STIM1: variants seen among roughly 807,000 people sequenced by gnomAD.
STIM1 encodes the protein stromal interaction molecule 1.
Under a neutral mutation model 74.7 loss-of-function variants are expected in STIM1, and 25 were observed. That is an observed-to-expected ratio of 0.33 (90% confidence interval 0.24 to 0.47). The LOEUF (loss-of-function observed/expected upper bound fraction) is 0.47. Ranked by LOEUF, STIM1 falls within the 20% of genes least tolerant of loss-of-function variation. The pLI, the probability that STIM1 is intolerant of heterozygous loss-of-function variation, is 1.00. For missense variants in STIM1, 728 were observed against 920.8 expected, an observed-to-expected ratio of 0.79 and a Z score of 2.71; for synonymous variants, 328 against 348.8, an observed-to-expected ratio of 0.94 and a Z score of 0.66.
chr11:4,078,930 T>C (rs1238949947), intron 7 of STIM1, among the ~76,000 whole-genome samples: 4 of 152,040 alleles, frequency 2.6e-5, no homozygotes, highest in African/African-American at 9.7e-5. Flanking sequence ...TAGGGGGTAA[T>C]ACTGTTGATA....
chr11:3,874,244 T>C (rs1368461435), intron 1 of STIM1, among the ~76,000 whole-genome samples: 1 of 152,184 alleles, frequency 6.6e-6, no homozygotes, highest in Non-Finnish European at 1.5e-5. Flanking sequence ...TCTGTTCTAG[T>C]AGCCCTCAAA....
intron 7 of STIM1, among the ~76,000 whole-genome samples, 185 bp from the exon 8 acceptor site, chr11:4,081,999 G>A (rs892273262): frequency 1.3e-5 from 2 of 152,226 alleles, no homozygotes; most frequent in Non-Finnish European, 2.9e-5. Flanking sequence ...TGTTGACCTT[G>A]AGTAGGTTAA....
chr11:3,933,456 TG>T (rs2092895089), intron 1 of STIM1, among the ~76,000 whole-genome samples: 1 of 152,218 alleles, frequency 6.6e-6, no homozygotes, highest in Non-Finnish European at 1.5e-5. Context: ...AGTAGTGGTT[TG>T]GGGTTAGAGT....
At chr11:3,979,188 A>C (rs2093478030) in intron 2 of STIM1, among the ~76,000 whole-genome samples, 1 of 152,174 alleles carries the variant, frequency 6.6e-6, no homozygotes, top group African/African-American at 2.4e-5. Context: ...TATTACCATA[A>C]TTAATAATAA....
At chr11:3,980,468 C>T (rs2093491355) in intron 2 of STIM1, among the ~76,000 whole-genome samples, 1 of 152,074 alleles carries the variant, frequency 6.6e-6, no homozygotes, top group African/African-American at 2.4e-5. Context: ...TGGCATTTCT[C>T]TGCTTCCCAC....
At chr11:4,085,192 T>A (rs2094486424) in intron 11 of STIM1, among the ~76,000 whole-genome samples, 2 of 151,212 alleles carry the variant, frequency 1.3e-5, no homozygotes, top group Non-Finnish European at 2.9e-5. Context: ...TTTCGTACCT[T>A]GAAAGCTACC....
intron 1 of STIM1, among the ~76,000 whole-genome samples, chr11:3,898,656 G>A (rs1160600930): frequency 7.2e-5 from 11 of 151,946 alleles, no homozygotes; most frequent in East Asian, 5.8e-4. Context: ...TAGGTCTAAC[G>A]TTTAAGTCTT....
chr11:3,858,724 T>G (rs2090485266), intron 1 of STIM1, among the ~76,000 whole-genome samples: 1 of 152,248 alleles, frequency 6.6e-6, no homozygotes, highest in Non-Finnish European at 1.5e-5. Context: ...TTAAAACTAC[T>G]ACTTTTAAAA....
intron 7 of STIM1, among the ~76,000 whole-genome samples, chr11:4,078,302 T>A (rs2094447631): frequency 6.6e-6 from 1 of 152,230 alleles, no homozygotes; most frequent in Non-Finnish European, 1.5e-5. Flanking sequence ...GACTTTTAAA[T>A]GGAAAGCTGT....
intron 1 of STIM1, among the ~76,000 whole-genome samples, chr11:3,895,598 T>G (rs1438117368): frequency 2.3e-5 from 2 of 87,018 alleles, no homozygotes; most frequent in Non-Finnish European, 4.4e-5. Context: ...ATAGTGTTCT[T>G]TCTTTCTCTC....
intron 6 of STIM1, among the ~76,000 whole-genome samples, chr11:4,070,700 T>C (rs959662912): frequency 6.6e-6 from 1 of 152,220 alleles, no homozygotes; most frequent in Admixed American, 6.5e-5. Flanking sequence ...TATTTCCTCA[T>C]TGGTAATATG....
At chr11:3,957,765 T>C (rs1446308945) in intron 1 of STIM1, among the ~76,000 whole-genome samples, 5 of 152,102 alleles carry the variant, frequency 3.3e-5, no homozygotes. Flanking sequence ...GAGATCTCAC[T>C]GTGTGGACCA....
intron 1 of STIM1, among the ~76,000 whole-genome samples, chr11:3,865,791 G>T (rs895113967): frequency 6.6e-6 from 1 of 152,134 alleles, no homozygotes. Flanking sequence ...AACTTTGTGG[G>T]GTTACTCGTG....
intron 3 of STIM1, among the ~76,000 whole-genome samples, chr11:4,046,647 T>A (rs1245189745): frequency 1.3e-5 from 2 of 152,054 alleles, no homozygotes; most frequent in Non-Finnish European, 2.9e-5. Context: ...TGATTTTGTT[T>A]GTTTTGTTTT....
intron 3 of STIM1, among the ~76,000 whole-genome samples, chr11:4,043,969 T>G (rs2094170119): frequency 6.6e-6 from 1 of 151,900 alleles, no homozygotes; most frequent in African/African-American, 2.4e-5. Context: ...GAGCTGAGAT[T>G]GTACCATTGC....
chr11:4,002,501 G>A (rs1346744580), intron 2 of STIM1, among the ~76,000 whole-genome samples: 126 of 150,584 alleles, frequency 8.4e-4, no homozygotes, highest in South Asian at 3.8e-3. Context: ...GGTACATAAC[G>A]AAATGAAGGC....
rs771442242 is a variant in STIM1 at position 4,091,335 on chromosome 11, G to A, written c.1688G>A (p.Arg563His). ...TCCCTCCACATGAGTGACCGCCAGCGTGTGGCCCCCAAACCTCCTCAGATG... is the reference window on the plus strand; with the variant it reads ...TCCCTCCACATGAGTGACCGCCAGCATGTGGCCCCCAAACCTCCTCAGATG... ...ESSLHMSDRQ[R>H]VAPKPPQMSR... The change falls in exon 13 of 13, where the codon CGT becomes CAT. Residue 563 changes from arginine (R) to histidine (H), a missense_variant. By Grantham distance (29) the Arg-to-His change is conservative. Around this residue, in one of 5 missense-constraint regions of STIM1, gnomAD observed 352 missense variants for 370.1 expected, o/e 0.95. Transcript: ENST00000526596. 8.7e-6 allele frequency: 14 copies of A among 1,613,934 alleles called. No individual in the cohort carries two copies. The highest frequency in any genetic ancestry group is 4.5e-5 in the East Asian group (2 of 44,892).
intron 3 of STIM1, among the ~76,000 whole-genome samples, chr11:4,033,357 A>T (rs547678087): frequency 6.6e-6 from 1 of 152,314 alleles, no homozygotes; most frequent in African/African-American, 2.4e-5. Flanking sequence ...TTTTGGTTCC[A>T]TATGAACTTT....
chr11:3,944,244 C>A (rs1340841328), intron 1 of STIM1, among the ~76,000 whole-genome samples: 1 of 152,196 alleles, frequency 6.6e-6, no homozygotes, highest in Non-Finnish European at 1.5e-5. Flanking sequence ...TTTCCCCTGG[C>A]TTTTCAGCAT....
Sources: allele counts gnomAD v4.1 joint callset (sites outside exome capture counted in the v4.1 genomes callset), GRCh38; gene constraint gnomAD v4.1.1; regional missense constraint gnomAD v4.1.1; transcripts MANE v1.5; gene names NCBI Gene and HGNC (gene_info 2026-07-23, HGNC 2026-07-21).